MTREX: variants seen among roughly 807,000 people sequenced by gnomAD.
The protein encoded by MTREX is exosome RNA helicase MTR4.
MTREX carries 76 observed loss-of-function variants against 135.4 expected under a neutral mutation model. The ratio of observed to expected loss-of-function variants is 0.56; its 90% CI spans 0.47 to 0.68. The LOEUF is 0.68. Ranked by LOEUF, MTREX falls within the 30% of genes least tolerant of loss-of-function variation. The pLI is 0.00. For missense variants in MTREX, 920 were observed against 1,262.1 expected (o/e 0.73, Z 4.11); for synonymous variants, 404 against 401.6 (o/e 1.01, Z -0.07).
chr5:55,345,530 C>G (rs931312317), intron 10 of MTREX, among the ~76,000 whole-genome samples: 1 of 152,100 alleles, frequency 6.6e-6, no homozygotes, highest in Non-Finnish European at 1.5e-5. Flanking sequence ...CAACCTTTCC[C>G]TTCTCATCCC....
At chr5:55,379,366 G>T (rs1750356884) in intron 18 of MTREX, among the ~76,000 whole-genome samples, 171 bp downstream of exon 18, 1 of 152,078 alleles carries the variant, frequency 6.6e-6, no homozygotes, top group African/African-American at 2.4e-5. Flanking sequence ...TGTATTTTTA[G>T]TAGAGATGGG....
In MTREX at chr5:55,328,761, G is replaced by A. The variant is rs1320615438; in HGVS notation, c.465G>A (p.Gln155=). 6.2e-7 allele frequency: 1 copy of A among 1,613,524 alleles called. No homozygotes were observed. Among genetic ancestry groups the A allele is most frequent in the African/African-American group, 1.3e-5 (1 of 74,996 alleles). ...REAIQCVDNN[Q]SVLVSAHTSA... is the part of the protein sequence containing the mutation. ...CCATTCAGTGTGTTGACAATAATCA[G>A]TCTGTTCTAGTATCTGCACATACCT... Residue 155 remains glutamine, a synonymous_variant, in exon 5 of 27, where the codon CAG becomes CAA. Coordinates refer to ENST00000230640, the MANE Select transcript of MTREX (RefSeq NM_015360.5).
Position 55,425,153 on chromosome 5 carries a change from A to C in MTREX, c.*381A>C. On this transcript the variant is annotated 3_prime_UTR_variant, in exon 27 of 27. Transcript: ENST00000230640. ...AAGATGCATCCTCTTGCCTTGTGGCAATCATTTTCCTTTAGAAAACAGGCC... is the reference window on the plus strand; with the variant it reads ...AAGATGCATCCTCTTGCCTTGTGGCCATCATTTTCCTTTAGAAAACAGGCC... The C allele has an allele frequency of 6.3e-7, 1 of 1,576,754 alleles. No homozygotes were observed. The highest frequency in any genetic ancestry group is 8.6e-7 in the Non-Finnish European group (1 of 1,163,912).
chr5:55,351,280 C>T (rs926222567), intron 13 of MTREX, among the ~76,000 whole-genome samples: 1 of 151,962 alleles, frequency 6.6e-6, no homozygotes, highest in African/African-American at 2.4e-5. Flanking sequence ...CACCTGTAAT[C>T]CCAGCACTTT....
chr5:55,354,030 A>G (rs1749870424), intron 14 of MTREX, among the ~76,000 whole-genome samples: 1 of 152,216 alleles, frequency 6.6e-6, no homozygotes, highest in Non-Finnish European at 1.5e-5. Flanking sequence ...AGCATAGGTG[A>G]AACAATGAAC....
chr5:55,359,065 A>G (rs1316452592), intron 15 of MTREX, among the ~76,000 whole-genome samples: 1 of 152,232 alleles, frequency 6.6e-6, no homozygotes, highest in Non-Finnish European at 1.5e-5. Flanking sequence ...TGTTTTGGGC[A>G]GGCAATGAGC....
intron 13 of MTREX, 113 bp from the exon 14 acceptor site, chr5:55,353,055 G>T: frequency 1.8e-6 from 1 of 543,458 alleles, no homozygotes; most frequent in East Asian, 3.4e-5. Flanking sequence ...TGTTATTTTT[G>T]TAGGATCTCA....
chr5:55,347,181 GA>G, intron 11 of MTREX, 37 bp downstream of exon 11: 1 of 1,535,852 alleles, frequency 6.5e-7, no homozygotes, highest in Non-Finnish European at 8.8e-7. Flanking sequence ...AATGTTATGT[GA>G]AAATGAGCGT....
chr5:55,422,216 CTA>C (rs1425957970), intron 25 of MTREX, among the ~76,000 whole-genome samples: 1 of 152,132 alleles, frequency 6.6e-6, no homozygotes, highest in Non-Finnish European at 1.5e-5. Flanking sequence ...AAAAGTGAAA[CTA>C]TGTTTATAGC....
chr5:55,423,494 T>C, intron 26 of MTREX: 1 of 153,438 alleles, frequency 6.5e-6, no homozygotes, highest in Non-Finnish European at 1.4e-5. Flanking sequence ...GGGCAGTGAG[T>C]AGAGGAGTAG....
intron 5 of MTREX, among the ~76,000 whole-genome samples, chr5:55,332,651 T>C (rs1336101409): frequency 6.6e-6 from 1 of 152,192 alleles, no homozygotes; most frequent in East Asian, 1.9e-4. Context: ...GCCTAACTTG[T>C]CCTTTTAACT....
chr5:55,344,389 A>AT (rs1367637478), intron 8 of MTREX, 133 bp from the exon 9 acceptor site: 6 of 624,400 alleles, frequency 9.6e-6, no homozygotes, highest in Admixed American at 3.3e-5. Context: ...GTTTTAGTGA[A>AT]TTTTTTGAAG....
chr5:55,403,921 T>A (rs1435831031), intron 21 of MTREX, among the ~76,000 whole-genome samples: 1 of 152,240 alleles, frequency 6.6e-6, no homozygotes, highest in Non-Finnish European at 1.5e-5. Context: ...TCTGCTAGCC[T>A]GGCTTTGAAC....
intron 23 of MTREX, among the ~76,000 whole-genome samples, chr5:55,413,397 A>G (rs1750914680): frequency 7.1e-6 from 1 of 141,612 alleles, no homozygotes; most frequent in East Asian, 2.0e-4. Flanking sequence ...ACATACATAC[A>G]TATCATTCTT....
At chr5:55,322,871 G>A (rs1749311162) in intron 2 of MTREX, among the ~76,000 whole-genome samples, 1 of 152,190 alleles carries the variant, frequency 6.6e-6, no homozygotes, top group African/African-American at 2.4e-5. Context: ...GTGGAGTAGA[G>A]TGGCTGTGCA....
chr5:55,395,358 A>C (rs921838970), intron 19 of MTREX, among the ~76,000 whole-genome samples: 8 of 152,156 alleles, frequency 5.3e-5, no homozygotes, highest in Non-Finnish European at 8.8e-5. Flanking sequence ...GTGAGCCGAG[A>C]TCATGCCATT....
At chr5:55,356,075 T>TCACAGA (rs1209990159) in intron 14 of MTREX, among the ~76,000 whole-genome samples, 1 of 152,166 alleles carries the variant, frequency 6.6e-6, no homozygotes, top group Non-Finnish European at 1.5e-5. Flanking sequence ...GATGCCTCAT[T>TCACAGA]CAGGGAGTCA....
chr5:55,372,914 G>GTGTGTGTGTC, intron 16 of MTREX, among the ~76,000 whole-genome samples: 1 of 150,406 alleles, frequency 6.6e-6, no homozygotes, highest in Admixed American at 6.6e-5. Flanking sequence ...GTGTGTGTGT[G>GTGTGTGTGTC]TGTGTGTGTG....
At chr5:55,327,694 T>A in intron 3 of MTREX, 22 bp from the exon 4 acceptor site, 1 of 1,598,370 alleles carries the variant, frequency 6.3e-7, no homozygotes, top group Non-Finnish European at 8.6e-7. Context: ...AGGTTTTTTT[T>A]TCTTTTTTAC....
Sources: allele counts gnomAD v4.1 joint callset (sites outside exome capture counted in the v4.1 genomes callset), GRCh38; gene constraint gnomAD v4.1.1; transcripts MANE v1.5; gene names NCBI Gene and HGNC (gene_info 2026-07-23, HGNC 2026-07-21).